ASMTL: variants seen among roughly 807,000 people sequenced by gnomAD.
ASMTL encodes the protein acetylserotonin O-methyltransferase like, also known as probable bifunctional dTTP/UTP pyrophosphatase/methyltransferase protein.
A neutral mutation model predicts 60.3 loss-of-function variants in ASMTL; 57 were observed. The observed-to-expected ratio is 0.95, with a 90% CI of 0.76 to 1.18. ASMTL has a LOEUF of 1.18. Ranked by LOEUF, ASMTL falls within the 50% of genes most tolerant of loss-of-function variation. The pLI, the probability that ASMTL is intolerant of heterozygous loss-of-function variation, is 0.00. For missense variants in ASMTL, 981 were observed against 852.6 expected (o/e 1.15, Z -1.88); for synonymous variants, 419 against 373.0 (o/e 1.12, Z -1.42).
At chrX:1,426,115 GAC>G (rs1157241555) in intron 7 of ASMTL, among the ~76,000 whole-genome samples, 78 of 152,082 alleles carry the variant, frequency 5.1e-4, no homozygotes, top group Non-Finnish European at 9.7e-4. Flanking sequence ...TGAGGACACA[GAC>G]ACACACACAG....
At chrX:1,418,185 A>C in intron 10 of ASMTL, 69 bp from the exon 11 acceptor site, 75 of 1,497,186 alleles carry the variant, frequency 5.0e-5, no homozygotes, top group Non-Finnish European at 6.0e-5. Flanking sequence ...TCCAAAGCTC[A>C]ACTGGGGCAG....
intron 3 of ASMTL, among the ~76,000 whole-genome samples, chrX:1,438,156 G>A: frequency 6.6e-6 from 1 of 151,504 alleles, no homozygotes; most frequent in South Asian, 2.1e-4. Flanking sequence ...GGGCGTGGTG[G>A]CGGGTGCCTG....
intron 1 of ASMTL, among the ~76,000 whole-genome samples, chrX:1,442,640 G>T (rs1319619946): frequency 6.6e-6 from 1 of 152,128 alleles, no homozygotes; most frequent in Non-Finnish European, 1.5e-5. Flanking sequence ...TATTGACTCG[G>T]GCCTTGAACC....
rs1334743099 is a variant in ASMTL at position 1,404,914 on chromosome X, C to T, written c.1646-1425G>A. On this transcript the variant is annotated intron_variant, in intron 12 of 12. Transcript: ENST00000381317. ...GTGAATAGATGGTAGCTGATGGGTA[C>T]GTAGGTAGATGTATGGATGGATAGA... Among the ~76,000 whole-genome samples the T allele has an allele frequency of 4.8e-5, 5 of 104,002 alleles. No individual in the cohort carries two copies. The South Asian group carries it at 9.9e-4, about 21-fold the overall frequency. 68.2% of individuals were successfully genotyped at this position (104,002 alleles called of 152,430 possible).
chrX:1,426,500 G>T (rs1206866238), intron 7 of ASMTL, among the ~76,000 whole-genome samples: 1 of 152,174 alleles, frequency 6.6e-6, no homozygotes, highest in African/African-American at 2.4e-5. Flanking sequence ...CTGGTGTTGG[G>T]AGGGCTGCAT....
At chrX:1,412,985 C>A in intron 11 of ASMTL, 131 bp from the exon 12 acceptor site, 1 of 984,338 alleles carries the variant, frequency 1.0e-6, no homozygotes, top group South Asian at 1.4e-5. Context: ...GGGAATGGGT[C>A]TTCCTGAAGT....
intron 10 of ASMTL, 70 bp downstream of exon 10, chrX:1,418,912 C>T: frequency 1.3e-6 from 2 of 1,596,186 alleles, no homozygotes; most frequent in Non-Finnish European, 1.7e-6. Context: ...TGGTAGGTGT[C>T]CTGAGCAGGG....
At chrX:1,431,029 C>T (rs1259891443) in intron 6 of ASMTL, among the ~76,000 whole-genome samples, 1 of 129,822 alleles carries the variant, frequency 7.7e-6, no homozygotes, top group African/African-American at 3.0e-5. Flanking sequence ...TATGCAGTTA[C>T]ATATATTAAT....
chrX:1,413,150 C>G (rs1299764789), intron 11 of ASMTL: 2 of 402,546 alleles, frequency 5.0e-6, no homozygotes, highest in South Asian at 3.7e-5. Context: ...ATTGTCTGAG[C>G]TCAGGAGTTC....
intron 7 of ASMTL, 25 bp downstream of exon 7, chrX:1,427,709 G>A (rs1378554403): frequency 6.3e-6 from 10 of 1,582,684 alleles, no homozygotes; most frequent in East Asian, 2.3e-5. Flanking sequence ...TGTGAAATGT[G>A]GCCTGAGGAG....
At chrX:1,444,529 C>T (rs1471793004) in intron 1 of ASMTL, among the ~76,000 whole-genome samples, 7 of 152,088 alleles carry the variant, frequency 4.6e-5, no homozygotes, top group African/African-American at 1.7e-4. Flanking sequence ...TATTTGTTTC[C>T]TCCTTCTTAA....
chrX:1,428,953 G>C (rs1203738097), intron 6 of ASMTL, among the ~76,000 whole-genome samples: 1 of 151,270 alleles, frequency 6.6e-6, no homozygotes, highest in East Asian at 2.0e-4. Flanking sequence ...CTGGAGTGCA[G>C]TGGCGCGATC....
intron 6 of ASMTL, among the ~76,000 whole-genome samples, chrX:1,430,212 G>C (rs2090732505): frequency 6.6e-6 from 1 of 151,904 alleles, no homozygotes; most frequent in African/African-American, 2.4e-5. Context: ...ATTGGGATTT[G>C]CCATATCCAG....
At chrX:1,447,449 C>A (rs1224698701) in intron 1 of ASMTL, among the ~76,000 whole-genome samples, 3 of 151,920 alleles carry the variant, frequency 2.0e-5, no homozygotes, top group African/African-American at 4.8e-5. Flanking sequence ...TGGACACACA[C>A]CATCTTGGAC....
chrX:1,404,053 AGATG>A lies in ASMTL; in HGVS notation c.1646-568_1646-565del, dbSNP rs754914785. ...GGATGGATAGATGGATGCATGGACG[AGATG>A]GATGGATGGGTGAATAGATGGTACA... is the stretch of plus-strand genomic sequence containing the variant. On this transcript the variant is annotated intron_variant, in intron 12 of 12. Coordinates refer to ENST00000381317, the MANE Select transcript of ASMTL (RefSeq NM_004192.4). 4.7e-3 allele frequency among the ~76,000 whole-genome samples: 715 copies of A among 151,200 alleles called. 5 individuals carry two copies. The highest frequency in any genetic ancestry group is 0.016 in the African/African-American group (672 of 41,060).
chrX:1,434,508 G>C (rs865813470), intron 5 of ASMTL, among the ~76,000 whole-genome samples: 1 of 124,134 alleles, frequency 8.1e-6, no homozygotes, highest in African/African-American at 2.8e-5. Flanking sequence ...AAAAAAGAAA[G>C]AAAGAAAGAG....
intron 5 of ASMTL, among the ~76,000 whole-genome samples, chrX:1,434,796 A>C (rs1178272750): frequency 4.8e-5 from 2 of 41,742 alleles, no homozygotes; most frequent in African/African-American, 9.8e-5. Context: ...CTCCATCTCA[A>C]AAAAAAAAAA....
chrX:1,418,906 A>G, intron 10 of ASMTL, 76 bp downstream of exon 10: 1 of 1,571,944 alleles, frequency 6.4e-7, no homozygotes, highest in South Asian at 1.1e-5. Flanking sequence ...GGCAGTTGGT[A>G]GGTGTCCTGA....
chrX:1,432,440 G>A (rs1986489747), intron 5 of ASMTL, 63 bp from the exon 6 acceptor site: 2 of 1,250,144 alleles, frequency 1.6e-6, no homozygotes, highest in Admixed American at 1.8e-5. Context: ...TGCCCTGACA[G>A]CTGCGTGGCT....
Sources: allele counts gnomAD v4.1 joint callset (sites outside exome capture counted in the v4.1 genomes callset), GRCh38; gene constraint gnomAD v4.1.1; transcripts MANE v1.5; gene names NCBI Gene and HGNC (gene_info 2026-07-23, HGNC 2026-07-21).